The following KIFC1 variants were observed in gnomAD, a reference collection of about 807,000 sequenced individuals.
The protein encoded by KIFC1 is kinesin family member C1.
KIFC1 carries 37 observed loss-of-function variants against 66.6 expected under a neutral mutation model. The ratio of observed to expected loss-of-function variants is 0.56; its 90% CI spans 0.43 to 0.73. The LOEUF (loss-of-function observed/expected upper bound fraction) is 0.73. Ranked by LOEUF, KIFC1 falls within the 30% of genes least tolerant of loss-of-function variation. The pLI is 0.00. For missense variants in KIFC1, 721 were observed against 859.8 expected, an observed-to-expected ratio of 0.84 and a Z score of 2.02; for synonymous variants, 325 against 343.5, an observed-to-expected ratio of 0.95 and a Z score of 0.60.
At position 33,406,316 on chromosome 6, in the gene KIFC1, C is replaced by T; in HGVS notation, c.1657C>T (p.Arg553Ter). Residue 553 changes from arginine to a stop codon, truncating the protein, a stop_gained, in exon 8 of 11, where the codon CGA (arginine) becomes TGA (stop). Transcript: ENST00000428849. LOFTEE classifies it high-confidence loss of function. The surrounding 1 kb of genome is among the most constrained non-coding windows in gnomAD (Gnocchi z 4.5). ...QLQISGEHSS[R>*]GLQCGAPLSL... Reference sequence around the variant, plus strand: ...ACAGATTTCTGGGGAGCACTCCAGCCGAGGCCTGCAGTGTGGGGCCCCCCT... The same window carrying T: ...ACAGATTTCTGGGGAGCACTCCAGCTGAGGCCTGCAGTGTGGGGCCCCCCT... 3 of 1,614,228 alleles carry T rather than the reference C, an allele frequency of 1.9e-6. No individual in the cohort carries two copies. The highest frequency in any genetic ancestry group is 1.7e-6 in the Non-Finnish European group (2 of 1,180,034).
Position 33,406,110 on chromosome 6 carries a change from T to G in KIFC1, c.1537-86T>G. On this transcript the variant is annotated intron_variant, in intron 7 of 10. Coordinates refer to ENST00000428849, the MANE Select transcript of KIFC1 (RefSeq NM_002263.4). The surrounding 1 kb of genome is among the most constrained non-coding windows in gnomAD (Gnocchi z 4.5). ...GACAGGCTAGAAAGCTTCAAGAGGG[T>G]GGGGGTGGGCTCTTATTCATTTCCA... The G allele has an allele frequency of 8.0e-7, 1 of 1,249,812 alleles. No individual in the cohort carries two copies. 77.4% of individuals were successfully genotyped at this position (1,249,812 alleles called of 1,614,324 possible).
chr6:33,406,635 TGCA>T lies in KIFC1; in HGVS notation c.1873_1875del (p.Gln625del). ...CGGAACAGCAAACTGACCTACCTGC[TGCA>T]GAACTCTCTGGGTGGTAGTGCTAAG... On this transcript the variant is annotated inframe_deletion, in exon 9 of 11. Coordinates refer to ENST00000428849, the MANE Select transcript of KIFC1 (RefSeq NM_002263.4). This position sits in a 1 kb window ranked among gnomAD's most constrained non-coding sequence, Gnocchi z 4.5. 6.2e-7 allele frequency: 1 copy of T among 1,614,036 alleles called. No homozygotes were observed. The highest frequency in any genetic ancestry group is 1.3e-5 in the African/African-American group (1 of 74,978).
intron 3 of KIFC1, chr6:33,399,992 C>T: frequency 1.7e-6 from 1 of 593,254 alleles, no homozygotes; most frequent in Admixed American, 3.1e-5. Flanking sequence ...ACATTTTAAT[C>T]TTTTTTTAAC....
chr6:33,406,838 T>C lies in KIFC1; in HGVS notation c.1940T>C (p.Val647Ala). ...FVNISPLEEN[V>A]SESLNSLRFA... ...AACATTTCTCCACTGGAAGAGAACG[T>C]CTCCGAGTCCCTCAACTCTCTACGC... The change falls in exon 10 of 11, where the codon GTC (valine) becomes GCC (alanine). Residue 647 changes from valine to alanine, a missense_variant. Transcript: ENST00000428849. The surrounding 1 kb of genome is among the most constrained non-coding windows in gnomAD (Gnocchi z 4.5). 1 of 1,614,108 alleles carries C rather than the reference T, an allele frequency of 6.2e-7. No individual in the cohort carries two copies. The highest frequency in any genetic ancestry group is 8.5e-7 in the Non-Finnish European group (1 of 1,180,020).
At chr6:33,392,084 C>A in intron 1 of KIFC1, 87 bp downstream of exon 1, 1 of 1,468,718 alleles carries the variant, frequency 6.8e-7, no homozygotes, top group Non-Finnish European at 9.4e-7. Context: ...GGCTCCCGGT[C>A]GGCCTTTGTC....
Position 33,405,564 on chromosome 6 carries a change from C to A in KIFC1, c.1469C>A (p.Ala490Glu). Residue 490 changes from alanine to glutamate, a missense_variant, in exon 7 of 11, where the codon GCA becomes GAA. Ala to Glu is a moderately radical substitution (Grantham distance 107). Coordinates refer to ENST00000428849, the MANE Select transcript of KIFC1 (RefSeq NM_002263.4). This position sits in a 1 kb window ranked among gnomAD's most constrained non-coding sequence, Gnocchi z 5.4. ...GGGGGCGAGTGTGAGATTCGCCGTG[C>A]AGGGCCAGGGAGTGAGGAGCTCACT... The part of the protein sequence containing the change: ...GQGGECEIRR[A>E]GPGSEELTVT... 6.3e-7 allele frequency: 1 copy of A among 1,586,406 alleles called. No individual in the cohort carries two copies. The highest frequency in any genetic ancestry group is 8.6e-7 in the Non-Finnish European group (1 of 1,168,094).
intron 3 of KIFC1, among the ~76,000 whole-genome samples, chr6:33,402,362 G>A (rs535608842): frequency 7.2e-5 from 11 of 152,196 alleles, no homozygotes; most frequent in Non-Finnish European, 1.3e-4. Context: ...TGTCATTATG[G>A]GCACATGACT....
intron 3 of KIFC1, 89 bp downstream of exon 3, chr6:33,398,476 T>G (rs1775208952): frequency 1.9e-6 from 2 of 1,078,722 alleles, no homozygotes; most frequent in Non-Finnish European, 2.8e-6. Context: ...TTTATTTTAT[T>G]TTTTTTGAGA....
At chr6:33,396,436 CTTTTTTTTT>C (rs199749552) in intron 1 of KIFC1, among the ~76,000 whole-genome samples, 1 of 116,258 alleles carries the variant, frequency 8.6e-6, no homozygotes, top group Non-Finnish European at 1.7e-5. Context: ...CTTTTCTTTT[CTTTTTTTTT>C]TTTTTTTTTT....
At position 33,404,250 on chromosome 6, in the gene KIFC1, T is replaced by A; in HGVS notation, c.756+121T>A. Reference sequence around the variant, plus strand: ...ACTCCTGAGCACCTATCTTTAGCAGTATAGGTGCTGCTGAAGATACCTCTC... The same window carrying A: ...ACTCCTGAGCACCTATCTTTAGCAGAATAGGTGCTGCTGAAGATACCTCTC... On this transcript the variant is annotated intron_variant, in intron 6 of 10. Coordinates refer to ENST00000428849, the MANE Select transcript of KIFC1 (RefSeq NM_002263.4). This position sits in a 1 kb window ranked among gnomAD's most constrained non-coding sequence, Gnocchi z 4.0. 1.1e-6 allele frequency: 1 copy of A among 911,374 alleles called. No homozygotes were observed. Among genetic ancestry groups the A allele is most frequent in the Non-Finnish European group, 1.6e-6 (1 of 610,820 alleles). 56.5% of individuals were successfully genotyped at this position (911,374 alleles called of 1,614,324 possible). A position where few individuals can be genotyped will look rare whatever the true frequency, so the allele number is the denominator to read the frequency against.
chr6:33,403,905 G>A lies in KIFC1; in HGVS notation c.532G>A (p.Val178Ile). The change falls in exon 6 of 11, where the codon GTC becomes ATC. Residue 178 changes from valine to isoleucine, a missense_variant. Coordinates refer to ENST00000428849, the MANE Select transcript of KIFC1 (RefSeq NM_002263.4). The surrounding 1 kb of genome is among the most constrained non-coding windows in gnomAD (Gnocchi z 4.6). ...CCAGCTCAGAGATGCCCAGCAGCAG[G>A]TCAAGGCCCTGGGGACAGAGCGCAC... is the stretch of plus-strand genomic sequence containing the variant. ...QDQLRDAQQQ[V>I]KALGTERTTL... 6.2e-7 allele frequency: 1 copy of A among 1,614,242 alleles called. No individual in the cohort carries two copies. Among genetic ancestry groups the A allele is most frequent in the Non-Finnish European group, 8.5e-7 (1 of 1,180,046 alleles).
chr6:33,398,551 C>A (rs1354895995), intron 3 of KIFC1, among the ~76,000 whole-genome samples, 164 bp downstream of exon 3: 3 of 152,156 alleles, frequency 2.0e-5, no homozygotes, highest in African/African-American at 7.2e-5. Flanking sequence ...GCAACCTCCT[C>A]CTCCCAGGTT....
chr6:33,404,923 T>C lies in KIFC1; in HGVS notation c.828T>C (p.Thr276=). 1 of 1,614,112 alleles carries C rather than the reference T, an allele frequency of 6.2e-7. No individual in the cohort carries two copies. Among genetic ancestry groups the C allele is most frequent in the Non-Finnish European group, 8.5e-7 (1 of 1,180,018 alleles). Residue 276 remains threonine (T), a synonymous_variant, in exon 7 of 11, where the codon ACT becomes ACC. Coordinates refer to ENST00000428849, the MANE Select transcript of KIFC1 (RefSeq NM_002263.4). This position sits in a 1 kb window ranked among gnomAD's most constrained non-coding sequence, Gnocchi z 4.0. ...QAEVASLRQE[T]VAQAALLTER... is the part of the protein sequence containing the mutation. The stretch of plus-strand genomic sequence containing the variant: ...AGGTGGCATCTCTGCGGCAGGAGAC[T>C]GTGGCCCAGGCAGCCTTACTGACTG...
In KIFC1 at chr6:33,409,728, TG is replaced by T. The variant is rs764225501; in HGVS notation, c.*39del. The T allele has an allele frequency of 5.3e-5, 76 of 1,444,484 alleles. No individual in the cohort carries two copies. Among genetic ancestry groups the T allele is most frequent in the Non-Finnish European group, 6.8e-5 (71 of 1,044,148 alleles). 89.5% of individuals were successfully genotyped at this position (1,444,484 alleles called of 1,614,324 possible). A position where few individuals can be genotyped will look rare whatever the true frequency, so the allele number is the denominator to read the frequency against. On this transcript the variant is annotated 3_prime_UTR_variant, in exon 11 of 11. Transcript: ENST00000428849. Reference sequence around the variant, plus strand: ...ATCTGTGTGTGTGTGTGTGTGTGTGTGTGTGTGTGTGTGTGTGTGTGTGTGT... The same window carrying T: ...ATCTGTGTGTGTGTGTGTGTGTGTGTTGTGTGTGTGTGTGTGTGTGTGTGT...
intron 1 of KIFC1, among the ~76,000 whole-genome samples, chr6:33,397,296 CTTTTT>C (rs9280438): frequency 1.9e-5 from 2 of 102,626 alleles, no homozygotes; most frequent in African/African-American, 3.7e-5. Flanking sequence ...TTCTAATGCC[CTTTTT>C]TTTTTTTTTT....
Position 33,398,062 on chromosome 6 carries a change from G to C in KIFC1, c.46G>C (p.Glu16Gln). 6.2e-7 allele frequency: 1 copy of C among 1,614,020 alleles called. No individual in the cohort carries two copies. Among genetic ancestry groups the C allele is most frequent in the Middle Eastern group, 1.6e-4 (1 of 6,062 alleles). The change falls in exon 2 of 11, where the codon GAA becomes CAA. Residue 16 changes from glutamate to glutamine, a missense_variant. Transcript: ENST00000428849. Reference sequence around the variant, plus strand: ...CCTATTGGAAGTAAAGGGGAACATAGAACTGAAGAGACCTCTGATTAAGGC... The same window carrying C: ...CCTATTGGAAGTAAAGGGGAACATACAACTGAAGAGACCTCTGATTAAGGC... ...SPLLEVKGNI[E>Q]LKRPLIKAPS...
chr6:33,405,755 GT>G lies in KIFC1; in HGVS notation c.1536+126del. On this transcript the variant is annotated intron_variant, in intron 7 of 10. Transcript: ENST00000428849. This position sits in a 1 kb window ranked among gnomAD's most constrained non-coding sequence, Gnocchi z 5.4. ...GATGAAGTGCAAGTTATCAGGCTGG[GT>G]TACCACATCCGGTTTTGGCCTGTGG... 1 of 1,074,960 alleles carries G rather than the reference GT, an allele frequency of 9.3e-7. No individual in the cohort carries two copies. The highest frequency in any genetic ancestry group is 1.3e-6 in the Non-Finnish European group (1 of 788,282). The allele number at this position is 1,074,960 out of a possible 1,614,324, so 66.6% of individuals were successfully genotyped here.
In KIFC1 at chr6:33,406,572, T is replaced by C. The variant is rs200433755; in HGVS notation, c.1828-20T>C. On this transcript the variant is annotated intron_variant, in intron 8 of 10. Transcript: ENST00000428849. The surrounding 1 kb of genome is among the most constrained non-coding windows in gnomAD (Gnocchi z 4.5). The stretch of plus-strand genomic sequence containing the variant: ...AACCCTGCCTATTCCTAAACATCTG[T>C]CCCCACCTCAATCATCTAGGAGTCC... The C allele has an allele frequency of 6.8e-6, 11 of 1,613,762 alleles. No individual in the cohort carries two copies. The Admixed American group carries it at 1.7e-4, about 24-fold the overall frequency.
At chr6:33,396,987 C>CTTTTTTTTTTTTTT (rs9282514) in intron 1 of KIFC1, among the ~76,000 whole-genome samples, 2 of 89,226 alleles carry the variant, frequency 2.2e-5, no homozygotes, top group Non-Finnish European at 4.1e-5. Context: ...TGGCCAAGTT[C>CTTTTTTTTTTTTTT]TTTTTTTTTT....
Sources: allele counts gnomAD v4.1 joint callset (sites outside exome capture counted in the v4.1 genomes callset), GRCh38; gene constraint gnomAD v4.1.1; non-coding constraint Gnocchi (gnomAD v3.1); transcripts MANE v1.5; gene names NCBI Gene and HGNC (gene_info 2026-07-23, HGNC 2026-07-21).